XKR6: variants seen among roughly 807,000 people sequenced by gnomAD.
XKR6 encodes XK related 6, also known as XK-related protein 6.
In XKR6, 22 loss-of-function variants were observed where a neutral mutation model predicts 56.7. The observed-to-expected ratio is 0.39, with a 90% CI of 0.28 to 0.55. The LOEUF (loss-of-function observed/expected upper bound fraction) is 0.55, where lower values mean the gene tolerates loss of function less well. XKR6 is among the 20% of genes least tolerant of loss of function. The pLI, the probability that XKR6 is intolerant of heterozygous loss-of-function variation, is 0.66. For synonymous variants in XKR6, 524 were observed against 387.8 expected (o/e 1.35, Z -4.13); for missense variants, 852 against 889.0 (o/e 0.96, Z 0.53).
At chr8:11,017,157 A>T (rs1221763084) in intron 1 of XKR6, among the ~76,000 whole-genome samples, 1 of 152,250 alleles carries the variant, frequency 6.6e-6, no homozygotes, top group Non-Finnish European at 1.5e-5. Flanking sequence ...ATACATATAG[A>T]TGACAGAGAT....
At chr8:10,942,567 A>C (rs953854784) in intron 1 of XKR6, among the ~76,000 whole-genome samples, 1 of 152,176 alleles carries the variant, frequency 6.6e-6, no homozygotes, top group Non-Finnish European at 1.5e-5. Context: ...AGCCAAACTC[A>C]CATTCAGCTG....
chr8:10,985,725 C>CT (rs974312191), intron 1 of XKR6, among the ~76,000 whole-genome samples: 10 of 152,244 alleles, frequency 6.6e-5, no homozygotes, highest in African/African-American at 2.4e-4. Flanking sequence ...AACCTCTTTC[C>CT]TTTTTTCCTT....
intron 1 of XKR6, among the ~76,000 whole-genome samples, chr8:10,937,936 G>A (rs1259489609): frequency 1.3e-5 from 2 of 151,290 alleles, no homozygotes; most frequent in Non-Finnish European, 3.0e-5. Flanking sequence ...CACCCAGTTC[G>A]AGCTTCCCGG....
chr8:11,131,354 T>G (rs1800093155), intron 1 of XKR6, among the ~76,000 whole-genome samples: 1 of 152,144 alleles, frequency 6.6e-6, no homozygotes, highest in African/African-American at 2.4e-5. Context: ...TGAAATTTAC[T>G]GGAAAGATGT....
At chr8:11,119,836 C>T (rs1284173574) in intron 1 of XKR6, among the ~76,000 whole-genome samples, 1 of 152,154 alleles carries the variant, frequency 6.6e-6, no homozygotes, top group Non-Finnish European at 1.5e-5. Context: ...AGCTTATCCA[C>T]CATGATCAAG....
chr8:11,123,746 C>T (rs1023775755), intron 1 of XKR6: 19 of 424,036 alleles, frequency 4.5e-5, no homozygotes, highest in Non-Finnish European at 7.7e-5. Flanking sequence ...CACCCCTACC[C>T]CGGGAAAAAA....
At chr8:11,194,052 G>C (rs997276728) in intron 1 of XKR6, among the ~76,000 whole-genome samples, 1 of 152,128 alleles carries the variant, frequency 6.6e-6, no homozygotes, top group African/African-American at 2.4e-5. Flanking sequence ...TGTTTAATAA[G>C]TCAAAACAAT....
At chr8:10,970,092 G>A (rs1164995030) in intron 1 of XKR6, among the ~76,000 whole-genome samples, 2 of 152,228 alleles carry the variant, frequency 1.3e-5, no homozygotes, top group South Asian at 4.1e-4. Flanking sequence ...CCTCTCGCAG[G>A]AGTGGGCTGT....
At chr8:10,999,779 T>C (rs1001918020) in intron 1 of XKR6, among the ~76,000 whole-genome samples, 30 of 152,148 alleles carry the variant, frequency 2.0e-4, no homozygotes, top group Non-Finnish European at 3.8e-4. Flanking sequence ...TGCCGTTGGG[T>C]TGATGCAGGT....
intron 1 of XKR6, among the ~76,000 whole-genome samples, chr8:11,091,631 T>C (rs548503693): frequency 6.6e-6 from 1 of 152,228 alleles, no homozygotes; most frequent in African/African-American, 2.4e-5. Flanking sequence ...GAGTTGGTTT[T>C]ACATGTGCTG....
intron 1 of XKR6, chr8:11,105,243 T>A (rs932573297): frequency 6.6e-6 from 1 of 152,238 alleles, no homozygotes; most frequent in African/African-American, 2.4e-5. Context: ...TGTATATCTT[T>A]AGAGAACTCA....
intron 1 of XKR6, among the ~76,000 whole-genome samples, chr8:11,008,309 G>A (rs139400456): frequency 9.2e-5 from 14 of 152,252 alleles, no homozygotes; most frequent in African/African-American, 7.2e-5. Flanking sequence ...CGGACACTGA[G>A]GCAGGTAGGC....
intron 1 of XKR6, among the ~76,000 whole-genome samples, chr8:10,976,921 A>G (rs4078186): frequency 0.64 from 96,796 of 151,956 alleles, 32,746 homozygotes; most frequent in African/African-American, 0.82. Context: ...CCATCTGTGT[A>G]GATGCAGGAG....
chr8:11,117,209 A>C (rs1476421034), intron 1 of XKR6, among the ~76,000 whole-genome samples: 1 of 152,228 alleles, frequency 6.6e-6, no homozygotes, highest in African/African-American at 2.4e-5. Flanking sequence ...CCCATGATAC[A>C]CTAGGGGTGA....
At chr8:11,051,361 A>G (rs1799543494) in intron 1 of XKR6, among the ~76,000 whole-genome samples, 1 of 151,976 alleles carries the variant, frequency 6.6e-6, no homozygotes. Flanking sequence ...TTTTAACATT[A>G]TCTAGATACT....
At chr8:10,981,913 G>C (rs977938700) in intron 1 of XKR6, among the ~76,000 whole-genome samples, 4 of 152,232 alleles carry the variant, frequency 2.6e-5, no homozygotes, top group African/African-American at 9.6e-5. Flanking sequence ...AAGGCTAATT[G>C]TTTAGGAAAA....
chr8:11,096,013 T>C (rs10109101), intron 1 of XKR6, among the ~76,000 whole-genome samples: 24,526 of 152,182 alleles, frequency 0.16, 2,067 homozygotes, highest in Middle Eastern at 0.24. Flanking sequence ...CAAATTTGAC[T>C]AGATAAAAGT....
Position 11,191,695 on chromosome 8 carries a change from T to C in XKR6, c.764+8881A>G, listed in dbSNP as rs568701506. On this transcript the variant is annotated intron_variant, in intron 1 of 2. Coordinates refer to ENST00000416569, the MANE Select transcript of XKR6 (RefSeq NM_173683.4). ...ACAGGACACTGGAAAAAAGTCAATG[T>C]CATGAGAAAAAAAAAAAAAAAACAG... 2.3e-5 allele frequency among the ~76,000 whole-genome samples: 3 copies of C among 130,942 alleles called. No homozygotes were observed. In the East Asian group the frequency reaches 6.2e-4, roughly 27 times the overall value. 85.9% of individuals were successfully genotyped at this position (130,942 alleles called of 152,430 possible). A position where few individuals can be genotyped will look rare whatever the true frequency, so the allele number is the denominator to read the frequency against.
At chr8:10,916,711 G>A (rs961890476) in intron 2 of XKR6, among the ~76,000 whole-genome samples, 6 of 152,100 alleles carry the variant, frequency 3.9e-5, no homozygotes, top group African/African-American at 1.4e-4. Flanking sequence ...ATCCTCACCA[G>A]GGAAAAAAAG....
Sources: gnomAD v4.1 joint callset for allele counts (sites outside exome capture counted in the v4.1 genomes callset) on GRCh38, gnomAD v4.1.1 for gene constraint, MANE v1.5 for transcripts, NCBI Gene and HGNC (gene_info 2026-07-23, HGNC 2026-07-21) for gene names.